The following ZBTB14 variants were observed in gnomAD, a reference collection of about 807,000 sequenced individuals.
The protein encoded by ZBTB14 is zinc finger and BTB domain-containing protein 14.
Under a neutral mutation model 29.5 loss-of-function variants are expected in ZBTB14, and 8 were observed. The observed-to-expected ratio is 0.27, with a 90% confidence interval of 0.16 to 0.49. The LOEUF is 0.49. Among genes scored for constraint, ZBTB14 ranks in the 20% least tolerant of loss-of-function variants. The pLI, the probability that ZBTB14 is intolerant of heterozygous loss-of-function variation, is 0.99. For synonymous variants in ZBTB14, 226 were observed against 207.2 expected (o/e 1.09, Z -0.78); for missense variants, 333 against 563.8 (o/e 0.59, Z 4.15).
chr18:5,290,568 G>A lies in ZBTB14; in HGVS notation c.*290C>T. On this transcript the variant is annotated 3_prime_UTR_variant, in exon 4 of 4. Coordinates refer to ENST00000651870, the MANE Select transcript of ZBTB14 (RefSeq NM_001243702.2). Reference sequence around the variant, plus strand: ...AATGGAAGTCTCTCACTTCTAAACTGGACACAGGAGTTCTCAAATTAAAAT... The same window carrying A: ...AATGGAAGTCTCTCACTTCTAAACTAGACACAGGAGTTCTCAAATTAAAAT... 1 of 363,284 alleles carries A rather than the reference G, an allele frequency of 2.8e-6. No individual in the cohort carries two copies. The highest frequency in any genetic ancestry group is 5.0e-6 in the Non-Finnish European group (1 of 201,684). 22.5% of individuals were successfully genotyped at this position (363,284 alleles called of 1,614,324 possible). A position where few individuals can be genotyped will look rare whatever the true frequency, so the allele number is the denominator to read the frequency against.
Position 5,293,363 on chromosome 18 carries a change from T to A in ZBTB14, c.-81-36A>T, listed in dbSNP as rs369769249. 2.5e-3 allele frequency: 2,498 copies of A among 1,015,456 alleles called. 62 individuals carry two copies. In the South Asian group the frequency reaches 0.031, roughly 13 times the overall value. 62.9% of individuals were successfully genotyped at this position (1,015,456 alleles called of 1,614,324 possible). ...AAGGATAAACAAGAATGAGGTAGGA[T>A]CTTCCTGTATCCCAAATCCTAAACC... is the stretch of plus-strand genomic sequence containing the variant. On this transcript the variant is annotated intron_variant, in intron 2 of 3. Transcript: ENST00000651870.
chr18:5,294,808 GC>G (rs909881735), intron 1 of ZBTB14: 4 of 152,082 alleles, frequency 2.6e-5, no homozygotes, highest in African/African-American at 7.2e-5. Flanking sequence ...TACATAAGCA[GC>G]TGCAGCCGCC....
At chr18:5,296,498 C>G (rs1298421488), upstream of ZBTB14, among the ~76,000 whole-genome samples, 1 of 151,282 alleles carries the variant, frequency 6.6e-6, no homozygotes, top group Non-Finnish European at 1.5e-5. Context: ...AGGCCGGGCG[C>G]TGAGGCTGCG....
chr18:5,294,044 G>A (rs1485154527), intron 1 of ZBTB14, 43 bp from the exon 2 acceptor site: 1 of 152,204 alleles, frequency 6.6e-6, no homozygotes, highest in Non-Finnish European at 1.5e-5. Context: ...TGACCACACA[G>A]ATAAGTTGTT....
chr18:5,293,391 G>T (rs181589493), intron 2 of ZBTB14, 64 bp from the exon 3 acceptor site: 4 of 855,470 alleles, frequency 4.7e-6, no homozygotes, highest in African/African-American at 1.7e-5. Flanking sequence ...CCTAAACCAA[G>T]AATTGATTTT....
intron 3 of ZBTB14, among the ~76,000 whole-genome samples, chr18:5,292,898 T>G (rs2071849054): frequency 6.6e-6 from 1 of 152,198 alleles, no homozygotes; most frequent in South Asian, 2.1e-4. Context: ...CTTAAGAGAA[T>G]GAGATGACAT....
In ZBTB14 at chr18:5,295,720, C is replaced by G. The variant is rs1470419061; in HGVS notation, c.-180G>C. On this transcript the variant is annotated 5_prime_UTR_variant, in exon 1 of 4. Transcript: ENST00000651870. ...GGTGCCCCAGAGCTCGGCGAGAACG[C>G]GCGTCTTCCGGGCCGCCCCGCCAGC... 6.6e-6 allele frequency: 1 copy of G among 151,196 alleles called. No individual in the cohort carries two copies. Among genetic ancestry groups the G allele is most frequent in the African/African-American group, 2.4e-5 (1 of 41,118 alleles). The allele number at this position is 151,196 out of a possible 1,614,324, so 9.4% of individuals were successfully genotyped here.
chr18:5,291,007 C>T lies in ZBTB14; in HGVS notation c.1201G>A (p.Ala401Thr). 6.2e-7 allele frequency: 1 copy of T among 1,614,246 alleles called. No individual in the cohort carries two copies. The highest frequency in any genetic ancestry group is 1.7e-5 in the Admixed American group (1 of 60,030). The part of the protein sequence containing the change: ...CGSCTKAFAK[A>T]SDLKRHENNM... ...TTCTCGTGCCTTTTCAGATCAGATGCCTTGGCAAATGCCTTGGTGCAGGAG... is the reference window on the plus strand; with the variant it reads ...TTCTCGTGCCTTTTCAGATCAGATGTCTTGGCAAATGCCTTGGTGCAGGAG... The change falls in exon 4 of 4, where the codon GCA becomes ACA. Residue 401 changes from alanine to threonine, a missense_variant. Transcript: ENST00000651870. This position sits in a 1 kb window ranked among gnomAD's most constrained non-coding sequence, Gnocchi z 5.8.
At chr18:5,294,418 G>C (rs1185663780) in intron 1 of ZBTB14, among the ~76,000 whole-genome samples, 2 of 152,214 alleles carry the variant, frequency 1.3e-5, no homozygotes, top group Non-Finnish European at 2.9e-5. Context: ...CATGGGACCA[G>C]AGAGAGGAGT....
intron 3 of ZBTB14, among the ~76,000 whole-genome samples, chr18:5,292,444 A>G (rs1234908424): frequency 6.6e-6 from 1 of 152,182 alleles, no homozygotes; most frequent in Non-Finnish European, 1.5e-5. Flanking sequence ...GCATTGTTCT[A>G]TGTGCTTTAC....
intron 3 of ZBTB14, among the ~76,000 whole-genome samples, chr18:5,292,780 G>A (rs539817120): frequency 6.6e-6 from 1 of 152,306 alleles, no homozygotes; most frequent in Admixed American, 6.5e-5. Flanking sequence ...TACTATTGCA[G>A]AACTAGAGAG....
At position 5,292,131 on chromosome 18, in the gene ZBTB14, A is replaced by T; in HGVS notation, c.77T>A (p.Leu26Gln). ...DDHKTLFLKTLNEQRLEGEFC... is the reference protein window; with the variant it reads ...DDHKTLFLKTQNEQRLEGEFC... ...TTCTCCTTCCAGGCGTTGTTCATTT[A>T]GTGTTTTCAGAAACAGAGTTTTATG... is the stretch of plus-strand genomic sequence containing the variant. The change falls in exon 4 of 4, where the codon CTA becomes CAA. Residue 26 changes from leucine (L) to glutamine (Q), a missense_variant. Leu to Gln is a moderately radical substitution (Grantham distance 113). Transcript: ENST00000651870. 1 of 1,600,468 alleles carries T rather than the reference A, an allele frequency of 6.2e-7. No individual in the cohort carries two copies. Among genetic ancestry groups the T allele is most frequent in the South Asian group, 1.1e-5 (1 of 90,144 alleles).
rs771140632 is a variant in ZBTB14 at position 5,291,494 on chromosome 18, G to C, written c.714C>G (p.Ala238=). ...CACTCATCCCATCATTAAATGTTAA[G>C]GCTTGAGGGGTCTGGGACCCCAAGT... ...SKDLGSQTPQ[A]LTFNDGMSEV... The change falls in exon 4 of 4, where the codon GCC becomes GCG. Residue 238 remains alanine, a synonymous_variant. Transcript: ENST00000651870. The surrounding 1 kb of genome is among the most constrained non-coding windows in gnomAD (Gnocchi z 5.8). 1.2e-6 allele frequency: 2 copies of C among 1,614,162 alleles called. No homozygotes were observed. The highest frequency in any genetic ancestry group is 2.2e-5 in the East Asian group (1 of 44,878).
chr18:5,294,670 T>G (rs544757365), intron 1 of ZBTB14: 1 of 152,106 alleles, frequency 6.6e-6, no homozygotes, highest in East Asian at 1.9e-4. Context: ...TAGGCAGGTG[T>G]AGGAAAAGAC....
At chr18:5,295,169 C>T (rs1285978173) in intron 1 of ZBTB14, among the ~76,000 whole-genome samples, 2 of 144,034 alleles carry the variant, frequency 1.4e-5, no homozygotes, top group East Asian at 4.1e-4. Context: ...AGCGGGCGTG[C>T]GGCCGGCTCC....
chr18:5,292,228 T>A (rs1266041833), intron 3 of ZBTB14, 24 bp from the exon 4 acceptor site: 1 of 1,437,888 alleles, frequency 7.0e-7, no homozygotes, highest in East Asian at 2.4e-5. Flanking sequence ...AAAAGTTTAG[T>A]AATTATAAAT....
intron 1 of ZBTB14, chr18:5,294,712 GC>G (rs2071902801): frequency 6.6e-6 from 1 of 152,368 alleles, no homozygotes; most frequent in Middle Eastern, 3.2e-3. Flanking sequence ...TAATAAGGCT[GC>G]CCCTTCCTAA....
In ZBTB14 at chr18:5,290,979, T is replaced by C; in HGVS notation, c.1229A>G (p.Asn410Ser). The change falls in exon 4 of 4, where the codon AAT becomes AGT. Residue 410 changes from asparagine to serine, a missense_variant. Asn to Ser is a conservative substitution (Grantham distance 46). Coordinates refer to ENST00000651870, the MANE Select transcript of ZBTB14 (RefSeq NM_001243702.2). ...KASDLKRHEN[N>S]MHSERKQVTP... ...AACCTGCTTCCTTTCACTGTGCATA[T>C]TGTTCTCGTGCCTTTTCAGATCAGA... 6.2e-7 allele frequency: 1 copy of C among 1,614,286 alleles called. No homozygotes were observed. Among genetic ancestry groups the C allele is most frequent in the Non-Finnish European group, 8.5e-7 (1 of 1,180,056 alleles).
chr18:5,296,544 A>C (rs150527206), upstream of ZBTB14, among the ~76,000 whole-genome samples: 1,808 of 151,480 alleles, frequency 0.012, 38 homozygotes, highest in African/African-American at 0.041. Context: ...CGCCCCGGCC[A>C]CTTTCGCCCT....
Sources: gnomAD v4.1 joint callset for allele counts (sites outside exome capture counted in the v4.1 genomes callset) on GRCh38, gnomAD v4.1.1 for gene constraint, Gnocchi (gnomAD v3.1) non-coding constraint, MANE v1.5 for transcripts, NCBI Gene and HGNC (gene_info 2026-07-23, HGNC 2026-07-21) for gene names.